Variants in NWD2 observed in about 807,000 individuals in gnomAD.
NWD2 encodes NACHT and WD repeat domain-containing protein 2.
In NWD2, 37 loss-of-function variants were observed where a neutral mutation model predicts 132.7. That is an observed-to-expected ratio of 0.28 (90% CI 0.21 to 0.37). The LOEUF (loss-of-function observed/expected upper bound fraction) is 0.37. Ranked by LOEUF, NWD2 falls within the 10% of genes least tolerant of loss-of-function variation. The probability of loss-of-function intolerance (pLI) is 1.00; values close to 1 mark genes in which losing one functional copy is unlikely to be tolerated. For missense variants in NWD2, 1,592 were observed against 2,122.4 expected, an observed-to-expected ratio of 0.75 and a Z score of 4.91; for synonymous variants, 705 against 803.0, an observed-to-expected ratio of 0.88 and a Z score of 2.06.
chr4:37,254,338 G>A (rs1160380420), intron 1 of NWD2, among the ~76,000 whole-genome samples: 1 of 152,180 alleles, frequency 6.6e-6, no homozygotes. Flanking sequence ...TGAGCTCTAA[G>A]CATTGATGAA....
intron 3 of NWD2, among the ~76,000 whole-genome samples, chr4:37,391,494 G>A (rs1720678574): frequency 6.6e-6 from 1 of 152,170 alleles, no homozygotes; most frequent in South Asian, 2.1e-4. Context: ...ATAAGTAAAG[G>A]CTTGAAGGTA....
chr4:37,394,831 G>C (rs1479609003), intron 3 of NWD2, among the ~76,000 whole-genome samples: 1 of 1,376 alleles, frequency 7.3e-4, no homozygotes, highest in Non-Finnish European at 5.0e-3. Flanking sequence ...TTTTTTTTGA[G>C]GCAGAGCCTC....
At chr4:37,398,870 A>G (rs1377456003) in intron 3 of NWD2, among the ~76,000 whole-genome samples, 2 of 152,212 alleles carry the variant, frequency 1.3e-5, no homozygotes, top group African/African-American at 4.8e-5. Context: ...TGGCTAAGAA[A>G]TAAGGAGCTA....
At chr4:37,403,956 C>A (rs764934033) in intron 3 of NWD2, among the ~76,000 whole-genome samples, 1 of 152,150 alleles carries the variant, frequency 6.6e-6, no homozygotes, top group African/African-American at 2.4e-5. Flanking sequence ...CAATTAGCAT[C>A]TTGTAGTTCA....
intron 1 of NWD2, among the ~76,000 whole-genome samples, chr4:37,317,323 A>G (rs1718978012): frequency 6.6e-6 from 1 of 152,086 alleles, no homozygotes; most frequent in Non-Finnish European, 1.5e-5. Context: ...ATTTGTGGAG[A>G]GCTTATTCAG....
At chr4:37,434,358 TACGTGCCAAGC>T (rs770476692) in intron 5 of NWD2, among the ~76,000 whole-genome samples, 10 of 152,326 alleles carry the variant, frequency 6.6e-5, no homozygotes, top group Non-Finnish European at 1.3e-4. Flanking sequence ...ATTGAGTTCC[TACGTGCCAAGC>T]ACTGGGGAGA....
chr4:37,265,247 G>T (rs1347963058), intron 1 of NWD2, among the ~76,000 whole-genome samples: 1 of 152,130 alleles, frequency 6.6e-6, no homozygotes, highest in Admixed American at 6.6e-5. Context: ...AATTAGACAA[G>T]ATTTAATGGA....
intron 3 of NWD2, among the ~76,000 whole-genome samples, chr4:37,414,467 A>G (rs1295068042): frequency 6.6e-6 from 1 of 152,004 alleles, no homozygotes; most frequent in Non-Finnish European, 1.5e-5. Flanking sequence ...GCCCTGAAAA[A>G]AAAAAAAACC....
intron 3 of NWD2, among the ~76,000 whole-genome samples, chr4:37,410,981 A>C (rs1721143888): frequency 1.3e-5 from 2 of 152,240 alleles, no homozygotes; most frequent in African/African-American, 4.8e-5. Flanking sequence ...AATCTCTGGG[A>C]CATATTTAAA....
chr4:37,301,891 GCATTGTTAGAAAGTA>G (rs71993603), intron 1 of NWD2, among the ~76,000 whole-genome samples: 33,235 of 151,856 alleles, frequency 0.22, 4,552 homozygotes, highest in Middle Eastern at 0.4. Context: ...ATAGATCAAG[GCATTGTTAGAAAGTA>G]CATTGTTAGA....
intron 4 of NWD2, among the ~76,000 whole-genome samples, chr4:37,431,233 A>C (rs1463102464): frequency 6.6e-6 from 1 of 152,234 alleles, no homozygotes; most frequent in Non-Finnish European, 1.5e-5. Context: ...AATAGCCAAG[A>C]TATGGAAACA....
chr4:37,446,747 G>T lies in NWD2; in HGVS notation c.4759G>T (p.Gly1587Trp). The change falls in exon 7 of 7, where the codon GGG becomes TGG. Residue 1587 changes from glycine (G) to tryptophan (W), a missense_variant. Gly to Trp is a radical substitution (Grantham distance 184). This residue lies in a region of NWD2 where 257 missense variants were observed against 335.0 expected (regional missense o/e 0.77). Transcript: ENST00000309447. The surrounding 1 kb of genome is among the most constrained non-coding windows in gnomAD (Gnocchi z 6.7). Reference protein sequence around the residue: ...RYLVYICFRNGEEEDENGAIF... With the variant: ...RYLVYICFRNWEEEDENGAIF... ...CCTGGTATACATTTGTTTCCGAAAT[G>T]GGGAGGAGGAGGATGAAAATGGTGC... 1 of 1,551,776 alleles carries T rather than the reference G, an allele frequency of 6.4e-7. No individual in the cohort carries two copies. The highest frequency in any genetic ancestry group is 8.7e-7 in the Non-Finnish European group (1 of 1,147,016).
chr4:37,353,862 A>T (rs981462633), intron 2 of NWD2, among the ~76,000 whole-genome samples: 1 of 151,934 alleles, frequency 6.6e-6, no homozygotes, highest in African/African-American at 2.4e-5. Context: ...CATCAAACTC[A>T]TTCTCCGCCC....
intron 1 of NWD2, among the ~76,000 whole-genome samples, chr4:37,295,495 A>G (rs1488849079): frequency 6.6e-6 from 1 of 152,202 alleles, no homozygotes; most frequent in African/African-American, 2.4e-5. Context: ...TGCCAAAATC[A>G]AAGCAAGTTT....
At chr4:37,291,996 C>T (rs768417977) in intron 1 of NWD2, among the ~76,000 whole-genome samples, 10 of 152,148 alleles carry the variant, frequency 6.6e-5, no homozygotes, top group Non-Finnish European at 1.0e-4. Context: ...GTGAAGATCA[C>T]TTTGAGAGGG....
intron 1 of NWD2, among the ~76,000 whole-genome samples, chr4:37,246,901 T>C (rs114824442): frequency 0.012 from 1,835 of 152,304 alleles, 44 homozygotes; most frequent in African/African-American, 0.042. Flanking sequence ...ATAAAAACGA[T>C]ACTGAATTTA....
chr4:37,287,061 G>A (rs1011876615), intron 1 of NWD2, among the ~76,000 whole-genome samples: 4 of 152,180 alleles, frequency 2.6e-5, no homozygotes, highest in South Asian at 4.1e-4. Context: ...CCTGAGAGCC[G>A]CATGGGGCAG....
chr4:37,419,580 G>A (rs1212892662), intron 3 of NWD2, among the ~76,000 whole-genome samples: 2 of 151,996 alleles, frequency 1.3e-5, no homozygotes, highest in South Asian at 2.1e-4. Context: ...TCAAAAAGTG[G>A]GCAAAGGATA....
chr4:37,330,609 AG>A (rs1719272937), intron 2 of NWD2, among the ~76,000 whole-genome samples: 1 of 152,158 alleles, frequency 6.6e-6, no homozygotes, highest in Non-Finnish European at 1.5e-5. Flanking sequence ...GATGAACAAA[AG>A]CATCCTAATT....
Sources: allele counts gnomAD v4.1 joint callset (sites outside exome capture counted in the v4.1 genomes callset), GRCh38; gene constraint gnomAD v4.1.1; regional missense constraint gnomAD v4.1.1; non-coding constraint Gnocchi (gnomAD v3.1); transcripts MANE v1.5; gene names NCBI Gene and HGNC (gene_info 2026-07-23, HGNC 2026-07-21).